The following MFSD6 variants were observed in gnomAD, a reference collection of about 807,000 sequenced individuals.
MFSD6 encodes major facilitator superfamily domain containing 6.
MFSD6 carries 26 observed loss-of-function variants against 56.3 expected under a neutral mutation model. That is an observed-to-expected ratio of 0.46 (90% CI 0.34 to 0.64). The LOEUF (loss-of-function observed/expected upper bound fraction) is 0.64, where lower values mean the gene tolerates loss of function less well. Ranked by LOEUF, MFSD6 falls within the 30% of genes least tolerant of loss-of-function variation. The pLI, the probability that MFSD6 is intolerant of heterozygous loss-of-function variation, is 0.01. For synonymous variants in MFSD6, 331 were observed against 366.9 expected (o/e 0.90, Z 1.12); for missense variants, 750 against 986.2 (o/e 0.76, Z 3.21).
chr2:190,470,564 C>T (rs945089956), intron 4 of MFSD6, among the ~76,000 whole-genome samples: 1 of 152,216 alleles, frequency 6.6e-6, no homozygotes. Context: ...AGGTTCAGGA[C>T]AAGATCGCTG....
intron 3 of MFSD6, among the ~76,000 whole-genome samples, chr2:190,446,755 G>C (rs1686599627): frequency 6.6e-6 from 1 of 152,168 alleles, no homozygotes; most frequent in Non-Finnish European, 1.5e-5. Flanking sequence ...CTACATACTG[G>C]TGGGAATACA....
chr2:190,457,394 C>A lies in MFSD6; in HGVS notation c.1533-12364C>A, dbSNP rs533153033. ...GTGAAAAAAACCACCTAGCAGACCC[C>A]ACTTCTTCCTGTTGGCCCCCTACCC... is the stretch of plus-strand genomic sequence containing the variant. On this transcript the variant is annotated intron_variant, in intron 3 of 7. Transcript: ENST00000392328. This position sits in a 1 kb window ranked among gnomAD's most constrained non-coding sequence, Gnocchi z 5.1. Among the ~76,000 whole-genome samples the A allele has an allele frequency of 6.6e-6, 1 of 152,308 alleles. No homozygotes were observed. Among genetic ancestry groups the A allele is most frequent in the East Asian group, 1.9e-4 (1 of 5,192 alleles).
chr2:190,463,493 T>G lies in MFSD6; in HGVS notation c.1533-6265T>G, dbSNP rs6434393. Among the ~76,000 whole-genome samples, 4 of 151,450 alleles carry G rather than the reference T, an allele frequency of 2.6e-5. No homozygotes were observed. The highest frequency in any genetic ancestry group is 5.9e-5 in the Non-Finnish European group (4 of 67,884). ...ATCTATAACAATTCTGAAAAAAAAATTTTTTTTAGGGACAAGTTTATATAG... is the reference window on the plus strand; with the variant it reads ...ATCTATAACAATTCTGAAAAAAAAAGTTTTTTTAGGGACAAGTTTATATAG... On this transcript the variant is annotated intron_variant, in intron 3 of 7. Transcript: ENST00000392328. This position sits in a 1 kb window ranked among gnomAD's most constrained non-coding sequence, Gnocchi z 4.4.
intron 2 of MFSD6, among the ~76,000 whole-genome samples, chr2:190,430,591 T>A (rs1685937424): frequency 6.6e-6 from 1 of 152,044 alleles, no homozygotes; most frequent in African/African-American, 2.4e-5. Flanking sequence ...ATGAAAAGTC[T>A]CCCATGTCTG....
At position 190,451,239 on chromosome 2, in the gene MFSD6, A is replaced by G. The variant is rs1289409160; in HGVS notation, c.1532+13678A>G. 1.3e-5 allele frequency among the ~76,000 whole-genome samples: 2 copies of G among 152,226 alleles called. No individual in the cohort carries two copies. Among genetic ancestry groups the G allele is most frequent in the Non-Finnish European group, 2.9e-5 (2 of 68,038 alleles). On this transcript the variant is annotated intron_variant, in intron 3 of 7. Transcript: ENST00000392328. This position sits in a 1 kb window ranked among gnomAD's most constrained non-coding sequence, Gnocchi z 5.0. ...TAACATTGGATAAGTCAGTAATTTT[A>G]GCTTTGTTAAGCCTCAGGTTCCTCA...
intron 2 of MFSD6, among the ~76,000 whole-genome samples, chr2:190,419,317 G>T (rs1690915192): frequency 6.6e-6 from 1 of 152,204 alleles, no homozygotes; most frequent in African/African-American, 2.4e-5. Flanking sequence ...AATTGCAGCA[G>T]TATGTTAGAG....
intron 3 of MFSD6, among the ~76,000 whole-genome samples, chr2:190,444,304 A>G (rs1048918711): frequency 6.6e-6 from 1 of 152,212 alleles, no homozygotes; most frequent in Non-Finnish European, 1.5e-5. Context: ...GTGTATGAGT[A>G]TTCTTGGTCA....
Position 190,418,023 on chromosome 2 carries a change from G to A in MFSD6, c.-54+2610G>A, listed in dbSNP as rs1690860357. Among the ~76,000 whole-genome samples the A allele has an allele frequency of 6.8e-6, 1 of 147,484 alleles. No homozygotes were observed. Among genetic ancestry groups the A allele is most frequent in the Non-Finnish European group, 1.5e-5 (1 of 67,140 alleles). ...GTGTATGTGAGAGAGAGAGAGATGT[G>A]GTTTATCATTGCTTGTCAATGATAA... On this transcript the variant is annotated intron_variant, in intron 2 of 7. Coordinates refer to ENST00000392328, the MANE Select transcript of MFSD6 (RefSeq NM_017694.4). This position sits in a 1 kb window ranked among gnomAD's most constrained non-coding sequence, Gnocchi z 4.1.
intron 4 of MFSD6, among the ~76,000 whole-genome samples, chr2:190,474,243 C>CA (rs1235598009): frequency 2.6e-5 from 4 of 152,034 alleles, no homozygotes; most frequent in Non-Finnish European, 4.4e-5. Flanking sequence ...AATAGAGACA[C>CA]AAAAAACCCT....
chr2:190,415,216 A>G lies in MFSD6; in HGVS notation c.-175-76A>G, dbSNP rs1045395205. 1 of 152,196 alleles carries G rather than the reference A, an allele frequency of 6.6e-6. No homozygotes were observed. Among genetic ancestry groups the G allele is most frequent in the Non-Finnish European group, 1.5e-5 (1 of 68,034 alleles). The allele number at this position is 152,196 out of a possible 1,614,324, so 9.4% of individuals were successfully genotyped here. On this transcript the variant is annotated intron_variant, in intron 1 of 7. Coordinates refer to ENST00000392328, the MANE Select transcript of MFSD6 (RefSeq NM_017694.4). This position sits in a 1 kb window ranked among gnomAD's most constrained non-coding sequence, Gnocchi z 4.5. ...CAATTCTCATACTCACCAGCATTGA[A>G]TATTTCCATTTTAAAAATTATTGGT...
intron 4 of MFSD6, among the ~76,000 whole-genome samples, chr2:190,472,005 T>G (rs977498105): frequency 7.2e-5 from 11 of 152,000 alleles, no homozygotes; most frequent in Admixed American, 3.3e-4. Context: ...TCCAGCAAAC[T>G]CCAACAGACC....
intron 4 of MFSD6, chr2:190,477,467 GA>G: frequency 3.1e-6 from 2 of 644,286 alleles, no homozygotes; most frequent in Non-Finnish European, 3.9e-6. Flanking sequence ...GAGTTAGGTG[GA>G]AAAGGACGGT....
rs1392411935 is a variant in MFSD6, at chr2:190,412,564, A to G, written c.-175-2728A>G. On this transcript the variant is annotated intron_variant, in intron 1 of 7. Coordinates refer to ENST00000392328, the MANE Select transcript of MFSD6 (RefSeq NM_017694.4). The surrounding 1 kb of genome is among the most constrained non-coding windows in gnomAD (Gnocchi z 4.1). Reference sequence around the variant, plus strand: ...CATAGCATTTTTGATTCCTGGGAAAAGCAAACAAACACATCTGATGTCAAT... The same window carrying G: ...CATAGCATTTTTGATTCCTGGGAAAGGCAAACAAACACATCTGATGTCAAT... 9 of 985,318 alleles carry G rather than the reference A, an allele frequency of 9.1e-6. No individual in the cohort carries two copies. Among genetic ancestry groups the G allele is most frequent in the Non-Finnish European group, 1.1e-5 (9 of 829,934 alleles). The allele number at this position is 985,318 out of a possible 1,614,324, so 61.0% of individuals were successfully genotyped here. A position where few individuals can be genotyped will look rare whatever the true frequency, so the allele number is the denominator to read the frequency against.
rs1025356468 is a variant in MFSD6 at position 190,490,662 on chromosome 2, A to T, written c.1891+796A>T. Among the ~76,000 whole-genome samples the T allele has an allele frequency of 2.0e-5, 3 of 152,190 alleles. No homozygotes were observed. The highest frequency in any genetic ancestry group is 7.2e-5 in the African/African-American group (3 of 41,452). ...TTATTAAGATTGTTCTACCAAAAGG[A>T]GGTTATATCAAATATTAATATGTAG... On this transcript the variant is annotated intron_variant, in intron 6 of 7. Transcript: ENST00000392328. This position sits in a 1 kb window ranked among gnomAD's most constrained non-coding sequence, Gnocchi z 4.5.
rs1559149164 is a variant in MFSD6, at chr2:190,501,056, TTAC to T, written c.*841_*843del. Reference sequence around the variant, plus strand: ...TACTGTAAATAGCCTCTCTCGCTATTTACTATCTTATAGTAATTCAGGCTCTAA... The same window carrying T: ...TACTGTAAATAGCCTCTCTCGCTATTTATCTTATAGTAATTCAGGCTCTAA... On this transcript the variant is annotated 3_prime_UTR_variant, in exon 8 of 8. Coordinates refer to ENST00000392328, the MANE Select transcript of MFSD6 (RefSeq NM_017694.4). The T allele has an allele frequency of 6.6e-6, 1 of 152,232 alleles. No individual in the cohort carries two copies. The highest frequency in any genetic ancestry group is 1.9e-4 in the East Asian group (1 of 5,204). 9.4% of individuals were successfully genotyped at this position (152,232 alleles called of 1,614,324 possible). A position where few individuals can be genotyped will look rare whatever the true frequency, so the allele number is the denominator to read the frequency against.
rs751707828 is a variant in MFSD6, at chr2:190,412,487, A to G, written c.-175-2805A>G. ...CAAAGTCCTACCCTACTACAAGGCC[A>G]GTTTGGGTAAAATTTCTTCCTCAAA... On this transcript the variant is annotated intron_variant, in intron 1 of 7. Coordinates refer to ENST00000392328, the MANE Select transcript of MFSD6 (RefSeq NM_017694.4). This position sits in a 1 kb window ranked among gnomAD's most constrained non-coding sequence, Gnocchi z 4.1. 7.1e-5 allele frequency: 70 copies of G among 985,338 alleles called. No homozygotes were observed. Among genetic ancestry groups the G allele is most frequent in the Non-Finnish European group, 7.2e-5 (60 of 829,930 alleles). 61.0% of individuals were successfully genotyped at this position (985,338 alleles called of 1,614,324 possible). A position where few individuals can be genotyped will look rare whatever the true frequency, so the allele number is the denominator to read the frequency against.
chr2:190,482,021 T>G (rs1458373148), intron 4 of MFSD6, among the ~76,000 whole-genome samples: 1 of 151,326 alleles, frequency 6.6e-6, no homozygotes, highest in African/African-American at 2.4e-5. Flanking sequence ...TATGACCATG[T>G]GGTTAATTCT....
rs1244351436 is a variant in MFSD6, at chr2:190,439,202, G to A, written c.1532+1641G>A. ...AGCAAATCTCACTGCAGTTAATAAT[G>A]TCTTTAAAATCACTGTTATTCATTC... On this transcript the variant is annotated intron_variant, in intron 3 of 7. Coordinates refer to ENST00000392328, the MANE Select transcript of MFSD6 (RefSeq NM_017694.4). The surrounding 1 kb of genome is among the most constrained non-coding windows in gnomAD (Gnocchi z 5.8). Among the ~76,000 whole-genome samples the A allele has an allele frequency of 2.0e-5, 3 of 151,880 alleles. No individual in the cohort carries two copies. Among genetic ancestry groups the A allele is most frequent in the Non-Finnish European group, 4.4e-5 (3 of 68,012 alleles).
chr2:190,422,631 G>A (rs1427713580), intron 2 of MFSD6, among the ~76,000 whole-genome samples: 1 of 152,114 alleles, frequency 6.6e-6, no homozygotes, highest in Non-Finnish European at 1.5e-5. Flanking sequence ...AAGTTTGTAA[G>A]GTAATTCGTT....
Sources: allele counts gnomAD v4.1 joint callset (sites outside exome capture counted in the v4.1 genomes callset), GRCh38; gene constraint gnomAD v4.1.1; non-coding constraint Gnocchi (gnomAD v3.1); transcripts MANE v1.5; gene names NCBI Gene and HGNC (gene_info 2026-07-23, HGNC 2026-07-21).